CNTN5: variants seen among roughly 807,000 people sequenced by gnomAD.
CNTN5 encodes contactin 5, also known as contactin-5.
In CNTN5, 77 loss-of-function variants were observed where a neutral mutation model predicts 129.1. That is an observed-to-expected ratio of 0.60 (90% CI 0.50 to 0.72). CNTN5 has a LOEUF of 0.72. Among genes scored for constraint, CNTN5 ranks in the 30% least tolerant of loss-of-function variants. The probability of loss-of-function intolerance (pLI) is 0.00; values close to 1 mark genes in which losing one functional copy is unlikely to be tolerated. For missense variants in CNTN5, 1,478 were observed against 1,328.8 expected, an observed-to-expected ratio of 1.11 and a Z score of -1.75; for synonymous variants, 509 against 465.6, an observed-to-expected ratio of 1.09 and a Z score of -1.20.
chr11:100,255,506 T>G (rs1331299612), intron 16 of CNTN5, among the ~76,000 whole-genome samples: 1 of 152,186 alleles, frequency 6.6e-6, no homozygotes, highest in Non-Finnish European at 1.5e-5. Context: ...TCTTTTTCTA[T>G]AAAATATAAT....
chr11:100,074,255 C>A lies in CNTN5; in HGVS notation c.1541C>A (p.Ser514Tyr). The A allele has an allele frequency of 6.2e-7, 1 of 1,610,126 alleles. No homozygotes were observed. Among genetic ancestry groups the A allele is most frequent in the South Asian group, 1.1e-5 (1 of 90,618 alleles). The change falls in exon 13 of 25, where the codon TCT (serine) becomes TAT (tyrosine). Residue 514 changes from serine (S) to tyrosine (Y), a missense_variant. By Grantham distance (144) the Ser-to-Tyr change is moderately radical (BLOSUM62 -2). Coordinates refer to ENST00000524871, the MANE Select transcript of CNTN5 (RefSeq NM_014361.4). The part of the protein sequence containing the change: ...KPQGSPKPTI[S>Y]WKKGDRAVRE... ...CAAGGCTCTCCAAAACCAACCATCTCTTGGAAGAAAGGAGACAGAGCAGTT... is the reference window on the plus strand; with the variant it reads ...CAAGGCTCTCCAAAACCAACCATCTATTGGAAGAAAGGAGACAGAGCAGTT...
At chr11:100,309,340 T>C in intron 21 of CNTN5, 1 of 983,048 alleles carries the variant, frequency 1.0e-6, no homozygotes, top group Non-Finnish European at 1.2e-6. Context: ...TATTTTTAAT[T>C]CTATTTGAGT....
At chr11:99,606,794 C>T in intron 3 of CNTN5, among the ~76,000 whole-genome samples, 1 of 141,114 alleles carries the variant, frequency 7.1e-6, no homozygotes, top group Admixed American at 7.0e-5. Flanking sequence ...AATAATGCCG[C>T]ATATCTACAA....
intron 2 of CNTN5, among the ~76,000 whole-genome samples, chr11:99,522,660 C>T (rs1054484433): frequency 1.3e-5 from 2 of 152,174 alleles, no homozygotes; most frequent in South Asian, 4.1e-4. Flanking sequence ...TTTGGATTTT[C>T]TGCCTTTAAT....
At chr11:99,432,443 T>C (rs4478965) in intron 2 of CNTN5, among the ~76,000 whole-genome samples, 24,125 of 144,536 alleles carry the variant, frequency 0.17, 2,402 homozygotes, top group Admixed American at 0.23. Flanking sequence ...TTCTTTCCTT[T>C]TCTTTTCTTT....
chr11:99,525,881 A>G lies in CNTN5; in HGVS notation c.-70-30264A>G, dbSNP rs543525018. On this transcript the variant is annotated intron_variant, in intron 2 of 24. Coordinates refer to ENST00000524871, the MANE Select transcript of CNTN5 (RefSeq NM_014361.4). Reference sequence around the variant, plus strand: ...TAGAATAGAGAGAGGATGATTATCAATCCTATTGCTTTGAAAGGCACAAAA... The same window carrying G: ...TAGAATAGAGAGAGGATGATTATCAGTCCTATTGCTTTGAAAGGCACAAAA... 6.6e-5 allele frequency among the ~76,000 whole-genome samples: 10 copies of G among 152,352 alleles called. No homozygotes were observed. In the South Asian group the frequency reaches 2.1e-3, roughly 32 times the overall value.
intron 21 of CNTN5, among the ~76,000 whole-genome samples, chr11:100,311,517 A>G (rs1020262856): frequency 2.4e-4 from 37 of 152,132 alleles, no homozygotes; most frequent in African/African-American, 7.9e-4. Context: ...GTTTGTATGC[A>G]TATACCAGCT....
At position 99,711,017 on chromosome 11, in the gene CNTN5, A is replaced by G. The variant is rs142754022; in HGVS notation, c.56-108527A>G. ...GTGTCCCACATATTGCATACTGCAT[A>G]CTTATTCAAAGGAGTACTTTATTCA... On this transcript the variant is annotated intron_variant, in intron 3 of 24. Transcript: ENST00000524871. 5.1e-3 allele frequency among the ~76,000 whole-genome samples: 770 copies of G among 152,072 alleles called. 7 individuals carry two copies. Among genetic ancestry groups the G allele is most frequent in the African/African-American group, 0.017 (713 of 41,524 alleles).
At chr11:99,666,124 C>A (rs186059649) in intron 3 of CNTN5, among the ~76,000 whole-genome samples, 6 of 151,934 alleles carry the variant, frequency 3.9e-5, no homozygotes, top group African/African-American at 1.5e-4. Flanking sequence ...TGTGTCACCA[C>A]GCCCGGCTGA....
At chr11:99,758,242 G>A (rs1269099833) in intron 3 of CNTN5, among the ~76,000 whole-genome samples, 2 of 151,884 alleles carry the variant, frequency 1.3e-5, no homozygotes, top group East Asian at 3.9e-4. Context: ...TTTGCTCCTT[G>A]TAAGTTTCTT....
intron 3 of CNTN5, among the ~76,000 whole-genome samples, chr11:99,686,260 T>C (rs1387877257): frequency 1.3e-5 from 2 of 152,140 alleles, no homozygotes; most frequent in African/African-American, 4.8e-5. Flanking sequence ...AATGCTTATT[T>C]AGAGTCATTT....
intron 2 of CNTN5, among the ~76,000 whole-genome samples, chr11:99,472,402 G>C (rs1477074780): frequency 6.6e-6 from 1 of 152,032 alleles, no homozygotes; most frequent in Non-Finnish European, 1.5e-5. Context: ...TGCAAATTTT[G>C]TGTAGTCTGT....
chr11:99,382,844 A>AAT (rs774797660), intron 2 of CNTN5, among the ~76,000 whole-genome samples: 3 of 69,402 alleles, frequency 4.3e-5, no homozygotes, highest in Non-Finnish European at 7.1e-5. Flanking sequence ...TCTCTAAATA[A>AAT]CTTTTTTTTT....
rs144673726 is a variant in CNTN5, at chr11:99,517,217, C to T, written c.-70-38928C>T. Among the ~76,000 whole-genome samples the T allele has an allele frequency of 1.5e-4, 23 of 152,078 alleles. No homozygotes were observed. The East Asian group carries it at 3.3e-3, about 22-fold the overall frequency. On this transcript the variant is annotated intron_variant, in intron 2 of 24. Coordinates refer to ENST00000524871, the MANE Select transcript of CNTN5 (RefSeq NM_014361.4). ...TCTTTCCTTTATCCACAAATTTAAC[C>T]GGTCATCAAGCTCTATCAAATTTCC... is the stretch of plus-strand genomic sequence containing the variant.
At chr11:99,735,691 T>C (rs535320741) in intron 3 of CNTN5, among the ~76,000 whole-genome samples, 1 of 152,342 alleles carries the variant, frequency 6.6e-6, no homozygotes, top group South Asian at 2.1e-4. Flanking sequence ...ACAGACGTTA[T>C]ATACGTTTAA....
intron 18 of CNTN5, among the ~76,000 whole-genome samples, chr11:100,272,917 G>GAGCC (rs1316172184): frequency 6.6e-5 from 10 of 152,110 alleles, no homozygotes; most frequent in African/African-American, 2.4e-4. Flanking sequence ...AGCTGATGTG[G>GAGCC]AGCCCAGAGG....
intron 3 of CNTN5, among the ~76,000 whole-genome samples, chr11:99,581,531 A>G (rs1392706858): frequency 3.3e-5 from 5 of 151,326 alleles, no homozygotes; most frequent in Non-Finnish European, 5.9e-5. Context: ...TTGGGTGCAT[A>G]TATATTTAGG....
At chr11:99,847,372 C>T (rs957913587) in intron 6 of CNTN5, among the ~76,000 whole-genome samples, 14 of 152,188 alleles carry the variant, frequency 9.2e-5, no homozygotes, top group African/African-American at 3.1e-4. Context: ...TACTGTTTAT[C>T]TAAAGTATCT....
Position 100,074,192 on chromosome 11 carries a change from T to C in CNTN5, c.1478T>C (p.Val493Ala). 1 of 1,612,650 alleles carries C rather than the reference T, an allele frequency of 6.2e-7. No individual in the cohort carries two copies. ...ALNQLKKTII[V>A]TKDQEVVIEC... ...AATCAACTGAAGAAAACAATAATTG[T>C]TACCAAAGACCAAGAAGTTGTCATA... The change falls in exon 13 of 25, where the codon GTT becomes GCT. Residue 493 changes from valine to alanine, a missense_variant. Physicochemically the swap from Val to Ala is moderately conservative, Grantham distance 64. Coordinates refer to ENST00000524871, the MANE Select transcript of CNTN5 (RefSeq NM_014361.4).
Sources: gnomAD v4.1 joint callset for allele counts (sites outside exome capture counted in the v4.1 genomes callset) on GRCh38, gnomAD v4.1.1 for gene constraint, MANE v1.5 for transcripts, NCBI Gene and HGNC (gene_info 2026-07-23, HGNC 2026-07-21) for gene names.